The following C17orf75 variants were observed in gnomAD, a reference collection of about 807,000 sequenced individuals.
C17orf75 encodes chromosome 17 open reading frame 75, also known as protein Njmu-R1.
Under a neutral mutation model 49.6 loss-of-function variants are expected in C17orf75, and 32 were observed. The ratio of observed to expected loss-of-function variants is 0.65; its 90% CI spans 0.49 to 0.87. The LOEUF (loss-of-function observed/expected upper bound fraction) is 0.87. Among genes scored for constraint, C17orf75 ranks in the 40% least tolerant of loss-of-function variants. C17orf75 has a pLI of 0.00. For missense variants in C17orf75, 428 were observed against 473.9 expected (o/e 0.90, Z 0.90); for synonymous variants, 158 against 159.5 (o/e 0.99, Z 0.07).
chr17:32,340,650 A>G (rs957929923), intron 2 of C17orf75, among the ~76,000 whole-genome samples: 1 of 151,872 alleles, frequency 6.6e-6, no homozygotes, highest in African/African-American at 2.4e-5. Context: ...GTCTCAAAAA[A>G]AAAAAAAAAT....
upstream of C17orf75, among the ~76,000 whole-genome samples, chr17:32,346,774 T>C (rs1314426996): frequency 6.6e-6 from 1 of 152,150 alleles, no homozygotes; most frequent in Non-Finnish European, 1.5e-5. Flanking sequence ...GGTTTCACCA[T>C]GTTGGCCAGG....
At chr17:32,345,445 C>T (rs1438262545), upstream of C17orf75, among the ~76,000 whole-genome samples, 2 of 152,246 alleles carry the variant, frequency 1.3e-5, no homozygotes, top group East Asian at 3.9e-4. Context: ...CACTGCTCTC[C>T]AGCCTGGGCA....
rs906204298 is a variant in C17orf75, at chr17:32,332,919, C to T, written c.975+498G>A. ...CTGCCTCCTGGGTTCAAGCAATTTT[C>T]GTGCCTCAGCCACCTGACATAGCCA... On this transcript the variant is annotated intron_variant, in intron 9 of 9. Transcript: ENST00000577809. Among the ~76,000 whole-genome samples the T allele has an allele frequency of 2.0e-5, 3 of 152,128 alleles. No individual in the cohort carries two copies. In the East Asian group the frequency reaches 5.8e-4, roughly 29 times the overall value.
intron 4 of C17orf75, 56 bp downstream of exon 4, chr17:32,338,152 C>A (rs1205025706): frequency 1.9e-6 from 3 of 1,589,746 alleles, no homozygotes; most frequent in African/African-American, 2.7e-5. Context: ...AATATTCTTC[C>A]ACCTGCCTTC....
intron 5 of C17orf75, among the ~76,000 whole-genome samples, chr17:32,335,818 G>A (rs1007943675): frequency 2.0e-5 from 3 of 152,176 alleles, no homozygotes; most frequent in Non-Finnish European, 2.9e-5. Context: ...GGCACCTGTG[G>A]TACAGTGTCT....
chr17:32,348,800 G>A (rs1445776620), intron 1 of C17orf75, among the ~76,000 whole-genome samples: 4 of 149,856 alleles, frequency 2.7e-5, no homozygotes, highest in Non-Finnish European at 5.9e-5. Flanking sequence ...GGGTTCGCCA[G>A]AACCCGCCTT....
chr17:32,328,789 C>T lies in C17orf75; in HGVS notation c.*2974G>A, dbSNP rs1049566462. The T allele has an allele frequency of 6.6e-6, 1 of 151,920 alleles. No individual in the cohort carries two copies. The highest frequency in any genetic ancestry group is 1.5e-5 in the Non-Finnish European group (1 of 68,012). 9.4% of individuals were successfully genotyped at this position (151,920 alleles called of 1,614,324 possible). ...CCTGTAGTCCCAGCTACTGGGGAGG[C>T]TGAGGAAGGAGAATCACTTGAACCT... is the stretch of plus-strand genomic sequence containing the variant. On this transcript the variant is annotated 3_prime_UTR_variant, in exon 10 of 10. Transcript: ENST00000577809.
Position 32,335,436 on chromosome 17 carries a change from C to T in C17orf75, c.556G>A (p.Gly186Ser), listed in dbSNP as rs773538855. ...TAGGATTTTATGTGACTCTCCAGGC[C>T]CCTTGCCTAAATCAAGAAAGAACAT... Reference protein sequence around the residue: ...LKNNMNCEARGLESHIKSYLS... With the variant: ...LKNNMNCEARSLESHIKSYLS... The change falls in exon 6 of 10, where the codon GGC becomes AGC. Residue 186 changes from glycine (G) to serine (S), a missense_variant. Physicochemically the swap from Gly to Ser is moderately conservative, Grantham distance 56. Coordinates refer to ENST00000577809, the MANE Select transcript of C17orf75 (RefSeq NM_022344.4). 6 of 1,613,236 alleles carry T rather than the reference C, an allele frequency of 3.7e-6. No homozygotes were observed. Among genetic ancestry groups the T allele is most frequent in the Middle Eastern group, 3.3e-4 (2 of 6,054 alleles).
At chr17:32,344,988 T>C (rs2150781020), upstream of C17orf75, among the ~76,000 whole-genome samples, 1 of 152,300 alleles carries the variant, frequency 6.6e-6, no homozygotes, top group African/African-American at 2.4e-5. Context: ...TATTCTTATC[T>C]GGATTTCTTC....
Position 32,331,512 on chromosome 17 carries a change from C to A in C17orf75, c.*251G>T. 2.6e-6 allele frequency: 1 copy of A among 377,856 alleles called. No homozygotes were observed. The highest frequency in any genetic ancestry group is 6.2e-5 in the South Asian group (1 of 16,028). 23.4% of individuals were successfully genotyped at this position (377,856 alleles called of 1,614,324 possible). A position where few individuals can be genotyped will look rare whatever the true frequency, so the allele number is the denominator to read the frequency against. On this transcript the variant is annotated 3_prime_UTR_variant, in exon 10 of 10. Transcript: ENST00000577809. The stretch of plus-strand genomic sequence containing the variant: ...CTGAAATTTTTTAAGCAACAACTTC[C>A]TGAAGCGTGGAATTTATGGGGCCAG...
chr17:32,347,288 T>C (rs2041432118), intron 1 of C17orf75, among the ~76,000 whole-genome samples: 1 of 151,678 alleles, frequency 6.6e-6, no homozygotes, highest in Non-Finnish European at 1.5e-5. Context: ...CTTTCTTTTT[T>C]TTCCCCCGAG....
rs372255944 is a variant in C17orf75, at chr17:32,337,988, A to G, written c.492-34T>C. ...TTAAGGAAGCAATAAAGGATGAATA[A>G]TGAAGACAGTATTTCATCTCTCAAC... On this transcript the variant is annotated intron_variant, in intron 4 of 9. Coordinates refer to ENST00000577809, the MANE Select transcript of C17orf75 (RefSeq NM_022344.4). The G allele has an allele frequency of 4.5e-6, 7 of 1,565,476 alleles. No individual in the cohort carries two copies. In the African/African-American group the frequency reaches 9.4e-5, roughly 21 times the overall value.
intron 6 of C17orf75, 41 bp from the exon 7 acceptor site, chr17:32,334,880 A>G: frequency 6.6e-7 from 1 of 1,524,856 alleles, no homozygotes; most frequent in Non-Finnish European, 8.9e-7. Flanking sequence ...CATATATTCC[A>G]GTTTTTCTTG....
At chr17:32,337,461 TAA>T (rs1026935238) in intron 5 of C17orf75, among the ~76,000 whole-genome samples, 1 of 143,514 alleles carries the variant, frequency 7.0e-6, no homozygotes, top group African/African-American at 2.6e-5. Context: ...AGACCCTGTC[TAA>T]AAAAAAAAAA....
chr17:32,344,603 A>G (rs975619655), upstream of C17orf75, among the ~76,000 whole-genome samples: 18 of 149,848 alleles, frequency 1.2e-4, no homozygotes, highest in African/African-American at 3.4e-4. Flanking sequence ...AAAAAAAAAA[A>G]AAAAGAAAGA....
intron 1 of C17orf75, among the ~76,000 whole-genome samples, chr17:32,347,652 T>C (rs931914317): frequency 1.3e-5 from 2 of 152,160 alleles, no homozygotes; most frequent in African/African-American, 4.8e-5. Context: ...CAGTGTCTGA[T>C]GAGGGCATTC....
At chr17:32,335,469 T>G in intron 5 of C17orf75, 27 bp from the exon 6 acceptor site, 3 of 1,611,062 alleles carry the variant, frequency 1.9e-6, no homozygotes, top group Non-Finnish European at 2.5e-6. Flanking sequence ...CATCATTTGC[T>G]TTAATATAAG....
chr17:32,344,092 A>G, upstream of C17orf75: 1 of 568,298 alleles, frequency 1.8e-6, no homozygotes, highest in Non-Finnish European at 3.1e-6. Flanking sequence ...AATTGAGAAA[A>G]AAGAGCCCAT....
chr17:32,331,446 A>ACT lies in C17orf75; in HGVS notation c.*315_*316dup. Reference sequence around the variant, plus strand: ...GAAAAGTTGCTAAATACTGCAGCAAACTCAGGCTTTTCCTGAGAAAAGCCA... The same window carrying ACT: ...GAAAAGTTGCTAAATACTGCAGCAAACTCTCAGGCTTTTCCTGAGAAAAGCCA... On this transcript the variant is annotated 3_prime_UTR_variant, in exon 10 of 10. Transcript: ENST00000577809. 1 of 270,466 alleles carries ACT rather than the reference A, an allele frequency of 3.7e-6. No homozygotes were observed. Among genetic ancestry groups the ACT allele is most frequent in the South Asian group, 6.2e-5 (1 of 16,016 alleles). The allele number at this position is 270,466 out of a possible 1,614,324, so 16.8% of individuals were successfully genotyped here. A position where few individuals can be genotyped will look rare whatever the true frequency, so the allele number is the denominator to read the frequency against.
Sources: gnomAD v4.1 joint callset for allele counts (sites outside exome capture counted in the v4.1 genomes callset) on GRCh38, gnomAD v4.1.1 for gene constraint, MANE v1.5 for transcripts, NCBI Gene and HGNC (gene_info 2026-07-23, HGNC 2026-07-21) for gene names.